STAT6: variants seen among roughly 807,000 people sequenced by gnomAD.
The protein encoded by STAT6 is STAT, interleukin4-induced.
Under a neutral mutation model 106.3 loss-of-function variants are expected in STAT6, and 45 were observed. The ratio of observed to expected loss-of-function variants is 0.42; its 90% CI spans 0.33 to 0.54. The LOEUF (loss-of-function observed/expected upper bound fraction) is 0.54. Among genes scored for constraint, STAT6 ranks in the 20% least tolerant of loss-of-function variants. The pLI, the probability that STAT6 is intolerant of heterozygous loss-of-function variation, is 0.06. For synonymous variants in STAT6, 413 were observed against 413.6 expected (o/e 1.00, Z 0.02); for missense variants, 797 against 1,062.2 (o/e 0.75, Z 3.47).
intron 13 of STAT6, among the ~76,000 whole-genome samples, chr12:57,101,724 G>C (rs1281388557): frequency 6.7e-6 from 1 of 149,484 alleles, no homozygotes; most frequent in Non-Finnish European, 1.5e-5. Flanking sequence ...GAGTGCAGTG[G>C]TATGATCTCA....
In STAT6 at chr12:57,105,312, G is replaced by A. The variant is rs898983456; in HGVS notation, c.840C>T (p.Pro280=). ...TSCFLVEKQP[P]QVLKTQTKFQ... ...ACTTGGTCTGAGTCTTCAGTACCTGGGGGGGCTGCTTCTCCACCAGGAAGC... is the reference window on the plus strand; with the variant it reads ...ACTTGGTCTGAGTCTTCAGTACCTGAGGGGGCTGCTTCTCCACCAGGAAGC... Residue 280 remains proline, a synonymous_variant, in exon 9 of 22, where the codon CCC becomes CCT. Coordinates refer to ENST00000300134, the MANE Select transcript of STAT6 (RefSeq NM_003153.5). 22 of 1,613,958 alleles carry A rather than the reference G, an allele frequency of 1.4e-5. No homozygotes were observed. Among genetic ancestry groups the A allele is most frequent in the Non-Finnish European group, 1.8e-5 (21 of 1,179,986 alleles).
rs1401899325 is a variant in STAT6, at chr12:57,100,039, G to C, written c.1564C>G (p.Leu522Val). The stretch of plus-strand genomic sequence containing the variant: ...CGGAGACAGCGTTTGGTGAGGTCCA[G>C]GACACCATCAAACCACTGCCAAAAG... ...FTFWQWFDGV[L>V]DLTKRCLRSY... Residue 522 changes from leucine (L) to valine (V), a missense_variant, in exon 14 of 22, where the codon CTG becomes GTG. Transcript: ENST00000300134. 3.1e-6 allele frequency: 5 copies of C among 1,612,152 alleles called. No individual in the cohort carries two copies. The highest frequency in any genetic ancestry group is 4.2e-6 in the Non-Finnish European group (5 of 1,179,134).
At chr12:57,101,092 T>A (rs1225002746) in intron 13 of STAT6, among the ~76,000 whole-genome samples, 1 of 151,830 alleles carries the variant, frequency 6.6e-6, no homozygotes, top group Admixed American at 6.6e-5. Context: ...TTTCTTTCTT[T>A]CTTTCTTTTT....
At chr12:57,109,702 A>AT (rs1419416447) in intron 1 of STAT6, among the ~76,000 whole-genome samples, 1 of 152,158 alleles carries the variant, frequency 6.6e-6, no homozygotes, top group Non-Finnish European at 1.5e-5. Flanking sequence ...GAAGGCAAAG[A>AT]TGAGAGACGA....
At position 57,098,814 on chromosome 12, in the gene STAT6, T is replaced by C. The variant is rs778676581; in HGVS notation, c.2044A>G (p.Met682Val). The C allele has an allele frequency of 2.1e-5, 34 of 1,613,672 alleles. No homozygotes were observed. The South Asian group carries it at 3.7e-4, about 18-fold the overall frequency. The change falls in exon 18 of 22, where the codon ATG becomes GTG. Residue 682 changes from methionine to valine, a missense_variant. Physicochemically the swap from Met to Val is conservative, Grantham distance 21. Transcript: ENST00000300134. The stretch of plus-strand genomic sequence containing the variant: ...TACACCATATCTGGGCCAAGCTGCA[T>C]GCTCATGGAGGAATCAGGGGCCATT... ...LGMAPDSSMS[M>V]QLGPDMVPQV...
At position 57,104,816 on chromosome 12, in the gene STAT6, GC is replaced by G; in HGVS notation, c.1002-4del. On this transcript the variant is annotated splice_polypyrimidine_tract_variant and splice_region_variant and intron_variant, in intron 9 of 21. Coordinates refer to ENST00000300134, the MANE Select transcript of STAT6 (RefSeq NM_003153.5). ...TGATGATTTCTCCAGTGCTTTCTCTGCCAGGGGAGGTCAGAGTGTGAACGAG... is the reference window on the plus strand; with the variant it reads ...TGATGATTTCTCCAGTGCTTTCTCTGCAGGGGAGGTCAGAGTGTGAACGAG... 1.2e-6 allele frequency: 2 copies of G among 1,614,078 alleles called. No homozygotes were observed. The highest frequency in any genetic ancestry group is 1.7e-6 in the Non-Finnish European group (2 of 1,180,004).
chr12:57,105,662 C>T, intron 7 of STAT6, 63 bp from the exon 8 acceptor site: 1 of 1,567,976 alleles, frequency 6.4e-7, no homozygotes, highest in South Asian at 1.2e-5. Flanking sequence ...CCCAGACCCC[C>T]TTCCCCTATA....
Position 57,104,779 on chromosome 12 carries a change from G to T in STAT6, c.1036C>A (p.Pro346Thr). The T allele has an allele frequency of 6.2e-7, 1 of 1,614,140 alleles. No individual in the cohort carries two copies. The highest frequency in any genetic ancestry group is 2.2e-5 in the East Asian group (1 of 44,882). ...TTCCCAGGAATGCTGTTCTCCAAGGGCACAGTGTTGTTGATGATTTCTCCA... is the reference window on the plus strand; with the variant it reads ...TTCCCAGGAATGCTGTTCTCCAAGGTCACAGTGTTGTTGATGATTTCTCCA... ...STGEIINNTV[P>T]LENSIPGNCC... Residue 346 changes from proline (P) to threonine (T), a missense_variant, in exon 10 of 22, where the codon CCC becomes ACC. By Grantham distance (38) the Pro-to-Thr change is conservative. Transcript: ENST00000300134.
intron 13 of STAT6, chr12:57,100,702 GAAAGAAAGAAAGAA>G (rs1565684705): frequency 0.17 from 9,673 of 55,708 alleles, 471 homozygotes; most frequent in Middle Eastern, 0.29. Context: ...GAAAGAAAGA[GAAAGAAAGAAAGAA>G]AGAAAGAAAG....
chr12:57,103,082 G>A (rs2034055809), intron 11 of STAT6, 161 bp from the exon 12 acceptor site: 2 of 530,420 alleles, frequency 3.8e-6, no homozygotes, highest in Non-Finnish European at 6.3e-6. Context: ...TGCAGCCTCA[G>A]CCTTCAGGGC....
chr12:57,104,778 G>A lies in STAT6; in HGVS notation c.1037C>T (p.Pro346Leu), dbSNP rs781539171. 5 of 1,614,146 alleles carry A rather than the reference G, an allele frequency of 3.1e-6. No homozygotes were observed. Among genetic ancestry groups the A allele is most frequent in the East Asian group, 4.5e-5 (2 of 44,882 alleles). ...STGEIINNTVPLENSIPGNCC... is the reference protein window; with the variant it reads ...STGEIINNTVLLENSIPGNCC... ...GTTCCCAGGAATGCTGTTCTCCAAGGGCACAGTGTTGTTGATGATTTCTCC... is the reference window on the plus strand; with the variant it reads ...GTTCCCAGGAATGCTGTTCTCCAAGAGCACAGTGTTGTTGATGATTTCTCC... The change falls in exon 10 of 22, where the codon CCC becomes CTC. Residue 346 changes from proline (P) to leucine (L), a missense_variant. Pro to Leu is a moderately conservative substitution (Grantham distance 98). Coordinates refer to ENST00000300134, the MANE Select transcript of STAT6 (RefSeq NM_003153.5).
Position 57,106,954 on chromosome 12 carries a change from T to G in STAT6, c.340-123A>C, listed in dbSNP as rs572843143. On this transcript the variant is annotated intron_variant, in intron 4 of 21. Coordinates refer to ENST00000300134, the MANE Select transcript of STAT6 (RefSeq NM_003153.5). ...CCCTCTCCCCTTTGGCAGTTCTTCCTGACCTTTTGGAATATCGTGGAGATA... is the reference window on the plus strand; with the variant it reads ...CCCTCTCCCCTTTGGCAGTTCTTCCGGACCTTTTGGAATATCGTGGAGATA... 3.4e-6 allele frequency: 5 copies of G among 1,465,910 alleles called. No homozygotes were observed. In the South Asian group the frequency reaches 6.5e-5, roughly 19 times the overall value. The allele number at this position is 1,465,910 out of a possible 1,614,324, so 90.8% of individuals were successfully genotyped here. A position where few individuals can be genotyped will look rare whatever the true frequency, so the allele number is the denominator to read the frequency against.
At chr12:57,108,102 A>T in intron 2 of STAT6, 61 bp downstream of exon 2, 1 of 1,094,678 alleles carries the variant, frequency 9.1e-7, no homozygotes, top group Non-Finnish European at 1.4e-6. Context: ...GAAAAATCTA[A>T]GGAGAAGGAA....
In STAT6 at chr12:57,108,248, G is replaced by A. The variant is rs1172005597; in HGVS notation, c.31C>T (p.Pro11Ser). ...TAGAGCCGCTGCACTTTTTCTGGGG[G>A]CATCTTGGAGACCAGACCCCACAGA... The part of the protein sequence containing the change: MSLWGLVSKM[P>S]PEKVQRLYVD... The change falls in exon 2 of 22, where the codon CCC becomes TCC. Residue 11 changes from proline (P) to serine (S), a missense_variant. Pro to Ser is a moderately conservative substitution (Grantham distance 74). Transcript: ENST00000300134. 3.1e-6 allele frequency: 5 copies of A among 1,611,904 alleles called. No individual in the cohort carries two copies. The South Asian group carries it at 5.5e-5, about 18-fold the overall frequency.
At position 57,099,224 on chromosome 12, in the gene STAT6, G is replaced by A; in HGVS notation, c.1891+70C>T. 3 of 1,605,930 alleles carry A rather than the reference G, an allele frequency of 1.9e-6. No individual in the cohort carries two copies. In the South Asian group the frequency reaches 3.3e-5, roughly 18 times the overall value. On this transcript the variant is annotated intron_variant, in intron 16 of 21. Transcript: ENST00000300134. The surrounding 1 kb of genome is among the most constrained non-coding windows in gnomAD (Gnocchi z 4.7). ...CATCAGGATGACACGCGGGCAGGGA[G>A]AGGAGGGCAGCGGGGAGCAGGGAGG... is the stretch of plus-strand genomic sequence containing the variant.
chr12:57,107,263 G>A lies in STAT6; in HGVS notation c.307C>T (p.Leu103Phe). The change falls in exon 4 of 22, where the codon CTT (leucine) becomes TTT (phenylalanine). Residue 103 changes from leucine to phenylalanine, a missense_variant. This residue lies in a region of STAT6 where 336 missense variants were observed against 429.8 expected (regional missense o/e 0.78). Transcript: ENST00000300134. ...LKLVATFRQI[L>F]QGEKKAVMEQ... ...ATAACAGCTTTTTTCTCTCCTTGAA[G>A]TATTTGTCTGAAAGTGGCCACCAGC... The A allele has an allele frequency of 6.2e-7, 1 of 1,614,190 alleles. No homozygotes were observed. Among genetic ancestry groups the A allele is most frequent in the Non-Finnish European group, 8.5e-7 (1 of 1,180,034 alleles).
chr12:57,100,670 AAG>A (rs1200036248), intron 13 of STAT6, among the ~76,000 whole-genome samples: 1 of 59,800 alleles, frequency 1.7e-5, no homozygotes, highest in Non-Finnish European at 3.5e-5. Context: ...GAAAGAAAGA[AAG>A]AAAGAAAGAA....
At chr12:57,109,462 G>A (rs1011916138) in intron 1 of STAT6, among the ~76,000 whole-genome samples, 4 of 152,182 alleles carry the variant, frequency 2.6e-5, no homozygotes, top group Non-Finnish European at 5.9e-5. Context: ...TTGGAAAGCA[G>A]GCTTTGAATC....
rs779953119 is a variant in STAT6, at chr12:57,102,508, G to A, written c.1306-12C>T. The A allele has an allele frequency of 6.2e-7, 1 of 1,612,620 alleles. No homozygotes were observed. The highest frequency in any genetic ancestry group is 8.5e-7 in the Non-Finnish European group (1 of 1,179,824). ...AAGGGCACGCGGTCCTGGGGAGAAG[G>A]GGGAAGAAGAGAGCACTGCAGGCTA... is the stretch of plus-strand genomic sequence containing the variant. On this transcript the variant is annotated splice_polypyrimidine_tract_variant and intron_variant, in intron 12 of 21. Transcript: ENST00000300134.
Sources: gnomAD v4.1 joint callset for allele counts (sites outside exome capture counted in the v4.1 genomes callset) on GRCh38, gnomAD v4.1.1 for gene constraint, gnomAD v4.1.1 regional missense constraint, Gnocchi (gnomAD v3.1) non-coding constraint, MANE v1.5 for transcripts, NCBI Gene and HGNC (gene_info 2026-07-23, HGNC 2026-07-21) for gene names.